The following CELF2 variants were observed in gnomAD, a reference collection of about 807,000 sequenced individuals.
CELF2 encodes CUGBP Elav-like family member 2.
In CELF2, 8 loss-of-function variants were observed where a neutral mutation model predicts 62.6. That is an observed-to-expected ratio of 0.13 (90% CI 0.07 to 0.23). The LOEUF (loss-of-function observed/expected upper bound fraction) is 0.23, where lower values mean the gene tolerates loss of function less well. Ranked by LOEUF, CELF2 falls within the 10% of genes least tolerant of loss-of-function variation. CELF2 has a pLI of 1.00. For missense variants in CELF2, 333 were observed against 671.0 expected (o/e 0.50, Z 5.56); for synonymous variants, 258 against 250.0 (o/e 1.03, Z -0.30).
intron 1 of CELF2, among the ~76,000 whole-genome samples, chr10:11,082,819 T>C (rs908931645): frequency 2.0e-5 from 3 of 152,220 alleles, no homozygotes; most frequent in Non-Finnish European, 4.4e-5. Context: ...GACTTCAAGA[T>C]ACCTCTTGTA....
At chr10:10,516,660 C>G in the CELF2 span, among the ~76,000 whole-genome samples, 1 of 151,850 alleles carries the variant, frequency 6.6e-6, no homozygotes, top group African/African-American at 2.4e-5. Context: ...CTTAATTACC[C>G]TCGGGGGTCC....
intron 1 of CELF2, among the ~76,000 whole-genome samples, chr10:10,910,589 A>T (rs1347002573): frequency 6.6e-6 from 1 of 150,844 alleles, no homozygotes; most frequent in African/African-American, 2.4e-5. Context: ...CCAGCTAGCT[A>T]CCTGGGAGGC....
chr10:10,815,495 G>T (rs1375210141), intron 1 of CELF2, among the ~76,000 whole-genome samples: 1 of 152,154 alleles, frequency 6.6e-6, no homozygotes, highest in African/African-American at 2.4e-5. Flanking sequence ...TCCCAGACTA[G>T]CCCTGTTCTG....
chr10:10,682,017 C>A, the CELF2 span, among the ~76,000 whole-genome samples: 2 of 152,168 alleles, frequency 1.3e-5, no homozygotes, highest in African/African-American at 2.4e-5. Flanking sequence ...AATCCTCTGA[C>A]ATTAAGTCTC....
the CELF2 span, among the ~76,000 whole-genome samples, chr10:10,776,020 A>G: frequency 6.6e-6 from 1 of 152,238 alleles, no homozygotes; most frequent in African/African-American, 2.4e-5. Flanking sequence ...TCAGAAATAT[A>G]CCAGATGTGC....
At chr10:11,096,529 G>A (rs2049917487) in intron 1 of CELF2, 1 of 152,154 alleles carries the variant, frequency 6.6e-6, no homozygotes, top group Admixed American at 6.5e-5. Context: ...GAAAATAAAA[G>A]CAGTTAAGAA....
At chr10:10,598,812 T>G in the CELF2 span, among the ~76,000 whole-genome samples, 11 of 134,036 alleles carry the variant, frequency 8.2e-5, no homozygotes, top group South Asian at 1.8e-3. Context: ...CAGGCTGGAG[T>G]GCGGGATCTC....
the CELF2 span, among the ~76,000 whole-genome samples, chr10:10,679,564 A>G: frequency 3.3e-5 from 5 of 152,262 alleles, no homozygotes; most frequent in African/African-American, 1.2e-4. Flanking sequence ...TGCTGGGATT[A>G]CAGGTGTAAG....
At chr10:10,543,061 C>A in the CELF2 span, among the ~76,000 whole-genome samples, 1 of 152,164 alleles carries the variant, frequency 6.6e-6, no homozygotes, top group Admixed American at 6.5e-5. Flanking sequence ...ATTGCAGATT[C>A]TTTTACTGGG....
At chr10:10,749,073 A>G in the CELF2 span, among the ~76,000 whole-genome samples, 1 of 152,178 alleles carries the variant, frequency 6.6e-6, no homozygotes, top group Non-Finnish European at 1.5e-5. Context: ...TCGTAGCAGG[A>G]ATTAAGAGTT....
chr10:10,509,891 G>A, the CELF2 span, among the ~76,000 whole-genome samples: 1 of 152,134 alleles, frequency 6.6e-6, no homozygotes, highest in Admixed American at 6.5e-5. Context: ...CCATCAACAA[G>A]CACAACCATG....
the CELF2 span, among the ~76,000 whole-genome samples, chr10:10,786,177 A>C: frequency 0.011 from 1,684 of 152,306 alleles, 15 homozygotes; most frequent in Non-Finnish European, 0.018. Context: ...ATTGCTCACA[A>C]TTGCGCCACT....
At chr10:10,712,508 G>A in the CELF2 span, among the ~76,000 whole-genome samples, 1 of 151,904 alleles carries the variant, frequency 6.6e-6, no homozygotes, top group Non-Finnish European at 1.5e-5. Flanking sequence ...AAGGTTTATA[G>A]GCCCTCCTTT....
chr10:11,055,426 T>C (rs1204846899), intron 1 of CELF2, among the ~76,000 whole-genome samples: 1 of 152,238 alleles, frequency 6.6e-6, no homozygotes, highest in East Asian at 1.9e-4. Flanking sequence ...AGGGAACTAT[T>C]TGGCTGACCG....
chr10:10,488,153 T>C, the CELF2 span, among the ~76,000 whole-genome samples: 5 of 152,298 alleles, frequency 3.3e-5, no homozygotes, highest in South Asian at 1.0e-3. Context: ...ATAATTTATT[T>C]TGAAGTATTA....
intron 1 of CELF2, among the ~76,000 whole-genome samples, chr10:10,905,542 G>A (rs1485620181): frequency 2.0e-5 from 3 of 149,082 alleles, no homozygotes; most frequent in Non-Finnish European, 4.4e-5. Flanking sequence ...CCAGGAGTTC[G>A]AGACCAGCCT....
the CELF2 span, among the ~76,000 whole-genome samples, chr10:10,754,467 A>C: frequency 1.3e-5 from 2 of 152,268 alleles, no homozygotes; most frequent in East Asian, 3.9e-4. Flanking sequence ...AAGCACTCTT[A>C]ATCGTGTTCT....
At chr10:10,724,113 A>G in the CELF2 span, among the ~76,000 whole-genome samples, 1 of 152,220 alleles carries the variant, frequency 6.6e-6, no homozygotes, top group African/African-American at 2.4e-5. Context: ...ACCATTGTAA[A>G]TCACCTCATC....
At chr10:10,464,752 A>G in the CELF2 span, among the ~76,000 whole-genome samples, 1 of 152,224 alleles carries the variant, frequency 6.6e-6, no homozygotes, top group African/African-American at 2.4e-5. Flanking sequence ...TAATCAGTCC[A>G]TAACACTATA....
Sources: allele counts gnomAD v4.1 joint callset (sites outside exome capture counted in the v4.1 genomes callset), GRCh38; gene constraint gnomAD v4.1.1; transcripts MANE v1.5; gene names NCBI Gene and HGNC (gene_info 2026-07-23, HGNC 2026-07-21).